AHNAK2: variants seen among roughly 807,000 people sequenced by gnomAD.
AHNAK2 encodes protein AHNAK2.
AHNAK2 carries 18 observed loss-of-function variants against 30.7 expected under a neutral mutation model. That is an observed-to-expected ratio of 0.59 (90% CI 0.41 to 0.87). The LOEUF is 0.87. AHNAK2 is among the 40% of genes least tolerant of loss of function. The probability of loss-of-function intolerance (pLI) is 0.00; values close to 1 mark genes in which losing one functional copy is unlikely to be tolerated. For missense variants in AHNAK2, 8,604 were observed against 7,373.0 expected (o/e 1.17, Z -6.11); for synonymous variants, 3,590 against 3,073.8 (o/e 1.17, Z -5.56).
intron 1 of AHNAK2, among the ~76,000 whole-genome samples, chr14:104,962,152 C>G (rs1899165582): frequency 6.6e-6 from 1 of 152,134 alleles, no homozygotes; most frequent in Admixed American, 6.5e-5. Context: ...TTGAAGTACC[C>G]ATCAACCAAC....
At chr14:104,970,613 C>T in intron 1 of AHNAK2, 1 of 761,216 alleles carries the variant, frequency 1.3e-6, no homozygotes, top group Non-Finnish European at 1.6e-6. Context: ...CCAGGACCCC[C>T]ACATCCCACC....
chr14:104,961,712 GC>G (rs1305267869), intron 1 of AHNAK2, among the ~76,000 whole-genome samples: 1 of 151,858 alleles, frequency 6.6e-6, no homozygotes, highest in African/African-American at 2.4e-5. Context: ...AGTGGCTTGT[GC>G]CGTAATCCCA....
At chr14:104,970,972 G>A (rs1161519018) in intron 1 of AHNAK2, among the ~76,000 whole-genome samples, 3 of 152,084 alleles carry the variant, frequency 2.0e-5, no homozygotes, top group Non-Finnish European at 2.9e-5. Context: ...CTGGGCCAGT[G>A]ACCTTGGGGC....
In AHNAK2 at chr14:104,944,781, G is replaced by A. The variant is rs1283377943; in HGVS notation, c.10670C>T (p.Pro3557Leu). 3 of 1,612,760 alleles carry A rather than the reference G, an allele frequency of 1.9e-6. No individual in the cohort carries two copies. The highest frequency in any genetic ancestry group is 2.5e-6 in the Non-Finnish European group (3 of 1,179,516). Residue 3557 changes from proline to leucine, a missense_variant, in exon 7 of 7, where the codon CCC becomes CTC. Coordinates refer to ENST00000333244, the MANE Select transcript of AHNAK2 (RefSeq NM_138420.4). ...PEGAGLKGHL[P>L]KVEMPSLKTP... ...CTTTAAACTGGGCATCTCCACTTTG[G>A]GCAGGTGCCCTTTGAGGCCGGCTCC... is the stretch of plus-strand genomic sequence containing the variant.
intron 1 of AHNAK2, among the ~76,000 whole-genome samples, chr14:104,963,604 G>C (rs899590982): frequency 6.6e-6 from 1 of 152,174 alleles, no homozygotes; most frequent in African/African-American, 2.4e-5. Flanking sequence ...GCCGAGGCGG[G>C]CGGATCACGA....
In AHNAK2 at chr14:104,943,176, A is replaced by G; in HGVS notation, c.12275T>C (p.Val4092Ala). 1 of 1,612,930 alleles carries G rather than the reference A, an allele frequency of 6.2e-7. No homozygotes were observed. Among genetic ancestry groups the G allele is most frequent in the Non-Finnish European group, 8.5e-7 (1 of 1,179,526 alleles). Residue 4092 changes from valine (V) to alanine (A), a missense_variant, in exon 7 of 7, where the codon GTG becomes GCG. Val to Ala is a moderately conservative substitution (Grantham distance 64). Coordinates refer to ENST00000333244, the MANE Select transcript of AHNAK2 (RefSeq NM_138420.4). ...GPKAEVTAPDVKMSLSSMEVD... is the reference protein window; with the variant it reads ...GPKAEVTAPDAKMSLSSMEVD... ...CTCCATGCTGGACAGAGACATCTTC[A>G]CATCAGGGGCTGTCACTTCCGCCTT...
chr14:104,972,659 T>A (rs1360731211), intron 1 of AHNAK2, among the ~76,000 whole-genome samples: 1 of 152,162 alleles, frequency 6.6e-6, no homozygotes, highest in Non-Finnish European at 1.5e-5. Context: ...CTGGAACACA[T>A]GACGGAGATC....
chr14:104,948,786 A>T lies in AHNAK2; in HGVS notation c.6665T>A (p.Leu2222Gln), dbSNP rs757022688. 1.2e-6 allele frequency: 2 copies of T among 1,610,066 alleles called. No homozygotes were observed. The highest frequency in any genetic ancestry group is 1.6e-4 in the Middle Eastern group (1 of 6,074). The change falls in exon 7 of 7, where the codon CTG becomes CAG. Residue 2222 changes from leucine to glutamine, a missense_variant. By Grantham distance (113) the Leu-to-Gln change is moderately radical (BLOSUM62 -2). Transcript: ENST00000333244. ...GACTTCCTCGGGCACAGGGCCCTCCAGGAGTTTCACGTCCACCTGGCCAGC... is the reference window on the plus strand; with the variant it reads ...GACTTCCTCGGGCACAGGGCCCTCCTGGAGTTTCACGTCCACCTGGCCAGC... ...VQAGQVDVKL[L>Q]EGPVPEEVGL...
rs751843379 is a variant in AHNAK2 at position 104,947,209 on chromosome 14, C to A, written c.8242G>T (p.Gly2748Cys). 2.5e-6 allele frequency: 4 copies of A among 1,612,186 alleles called. No homozygotes were observed. The highest frequency in any genetic ancestry group is 3.4e-6 in the Non-Finnish European group (4 of 1,179,548). The change falls in exon 7 of 7, where the codon GGC (glycine) becomes TGC (cysteine). Residue 2748 changes from glycine to cysteine, a missense_variant. Gly to Cys is a radical substitution (Grantham distance 159, BLOSUM62 -3). Coordinates refer to ENST00000333244, the MANE Select transcript of AHNAK2 (RefSeq NM_138420.4). The stretch of plus-strand genomic sequence containing the variant: ...GGGCCCTTAACATCTATCTGGGGGC[C>A]CTTGAGGTCCACTTCAGGCATCTTG... The part of the protein sequence containing the change: ...SFKMPEVDLK[G>C]PQIDVKGPNV...
intron 1 of AHNAK2, among the ~76,000 whole-genome samples, chr14:104,959,493 G>A (rs1300089240): frequency 6.6e-6 from 1 of 152,120 alleles, no homozygotes; most frequent in Non-Finnish European, 1.5e-5. Context: ...AAAAATTAGC[G>A]GGGCATGGTG....
In AHNAK2 at chr14:104,950,583, C is replaced by A. The variant is rs544174837; in HGVS notation, c.4868G>T (p.Ser1623Ile). 1.9e-6 allele frequency: 3 copies of A among 1,587,320 alleles called. 1 individual carries two copies. Among genetic ancestry groups the A allele is most frequent in the Admixed American group, 3.5e-5 (2 of 57,500 alleles). ...TAPDVKMSLS[S>I]MEVDVQAPRA... Reference sequence around the variant, plus strand: ...CGGGGCCTGGACGTCCACCTCCATGCTGGACAGAGACATCTTCACATCGGG... The same window carrying A: ...CGGGGCCTGGACGTCCACCTCCATGATGGACAGAGACATCTTCACATCGGG... The change falls in exon 7 of 7, where the codon AGC becomes ATC. Residue 1623 changes from serine to isoleucine, a missense_variant. Coordinates refer to ENST00000333244, the MANE Select transcript of AHNAK2 (RefSeq NM_138420.4).
At position 104,951,769 on chromosome 14, in the gene AHNAK2, C is replaced by T. The variant is rs374231027; in HGVS notation, c.3682G>A (p.Asp1228Asn). The T allele has an allele frequency of 9.2e-6, 12 of 1,303,088 alleles. 2 individuals carry two copies. The African/African-American group carries it at 1.4e-4, about 15-fold the overall frequency. 80.7% of individuals were successfully genotyped at this position (1,303,088 alleles called of 1,614,324 possible). Residue 1228 changes from aspartate to asparagine, a missense_variant, in exon 7 of 7, where the codon GAC (aspartate) becomes AAC (asparagine). Physicochemically the swap from Asp to Asn is conservative, Grantham distance 23. Coordinates refer to ENST00000333244, the MANE Select transcript of AHNAK2 (RefSeq NM_138420.4). ...ACGTGGCCCTCCAGGAGCTTCACGT[C>T]CACCTGGCCAGCGTGGACCTCCAGG... is the stretch of plus-strand genomic sequence containing the variant. ...ADLEVHAGQV[D>N]VKLLEGHVPE...
In AHNAK2 at chr14:104,951,987, T is replaced by A; in HGVS notation, c.3464A>T (p.Asp1155Val). The A allele has an allele frequency of 6.2e-7, 1 of 1,609,196 alleles. No homozygotes were observed. The highest frequency in any genetic ancestry group is 8.5e-7 in the Non-Finnish European group (1 of 1,177,572). Residue 1155 changes from aspartate to valine, a missense_variant, in exon 7 of 7, where the codon GAT becomes GTT. Physicochemically the swap from Asp to Val is radical, Grantham distance 152 (BLOSUM62 -3). Coordinates refer to ENST00000333244, the MANE Select transcript of AHNAK2 (RefSeq NM_138420.4). ...LEGELSLADK[D>V]VTAKDSRFKM... ...GAACCTGCTGTCTTTGGCAGTCACATCCTTGTCGGCCAGGGACAGTTCCCC... is the reference window on the plus strand; with the variant it reads ...GAACCTGCTGTCTTTGGCAGTCACAACCTTGTCGGCCAGGGACAGTTCCCC...
At position 104,952,899 on chromosome 14, in the gene AHNAK2, G is replaced by T. The variant is rs781209882; in HGVS notation, c.2552C>A (p.Ser851Tyr). 1.2e-6 allele frequency: 2 copies of T among 1,611,946 alleles called. No homozygotes were observed. Among genetic ancestry groups the T allele is most frequent in the Middle Eastern group, 1.7e-4 (1 of 6,048 alleles). ...PSFGVSAPGK[S>Y]MEDSVDVSAP... ...AGACACATCCACCGAGTCCTCCATG[G>T]ACTTGCCTGGGGCCGACACCCCGAA... Residue 851 changes from serine (S) to tyrosine (Y), a missense_variant, in exon 7 of 7, where the codon TCC (serine) becomes TAC (tyrosine). By Grantham distance (144) the Ser-to-Tyr change is moderately radical (BLOSUM62 -2). Transcript: ENST00000333244.
intron 1 of AHNAK2, among the ~76,000 whole-genome samples, chr14:104,974,114 G>A (rs1268018397): frequency 6.6e-6 from 1 of 152,250 alleles, no homozygotes; most frequent in Non-Finnish European, 1.5e-5. Context: ...AAAAATAAAG[G>A]GAAATCTGGA....
At position 104,946,950 on chromosome 14, in the gene AHNAK2, G is replaced by A. The variant is rs200469922; in HGVS notation, c.8501C>T (p.Ala2834Val). Residue 2834 changes from alanine to valine, a missense_variant, in exon 7 of 7, where the codon GCC (alanine) becomes GTC (valine). Coordinates refer to ENST00000333244, the MANE Select transcript of AHNAK2 (RefSeq NM_138420.4). The part of the protein sequence containing the change: ...GVSAPGKSIE[A>V]SVDVSELKVE... ...CTTCAGCTCAGACACATCCACCGAG[G>A]CCTCGATGGACTTGCCTGGGGCCGA... The A allele has an allele frequency of 3.7e-4, 597 of 1,611,016 alleles. 7 individuals carry two copies. The Middle Eastern group carries it at 6.6e-3, about 18-fold the overall frequency.
Position 104,938,940 on chromosome 14 carries a change from G to A in AHNAK2, c.16511C>T (p.Ser5504Leu), listed in dbSNP as rs1226205755. 2.5e-6 allele frequency: 4 copies of A among 1,613,458 alleles called. No homozygotes were observed. Among genetic ancestry groups the A allele is most frequent in the Non-Finnish European group, 3.4e-6 (4 of 1,179,816 alleles). ...TTGAATCTCTGACGTGGGGATCTCTGATTCCCGCACAATCTGAGTGGAAAA... is the reference window on the plus strand; with the variant it reads ...TTGAATCTCTGACGTGGGGATCTCTAATTCCCGCACAATCTGAGTGGAAAA... ...RTFSTQIVRE[S>L]EIPTSEIQTP... is the part of the protein sequence containing the mutation. Residue 5504 changes from serine to leucine, a missense_variant, in exon 7 of 7, where the codon TCA (serine) becomes TTA (leucine). Transcript: ENST00000333244.
intron 1 of AHNAK2, among the ~76,000 whole-genome samples, chr14:104,976,082 C>G (rs563893572): frequency 6.6e-6 from 1 of 150,954 alleles, no homozygotes; most frequent in South Asian, 2.1e-4. Context: ...CAGGCCACAC[C>G]GGGGCAGCAG....
At chr14:104,971,968 A>T (rs1182981307) in intron 1 of AHNAK2, among the ~76,000 whole-genome samples, 1 of 152,240 alleles carries the variant, frequency 6.6e-6, no homozygotes, top group African/African-American at 2.4e-5. Context: ...CCCCAACGGC[A>T]TGGGAAGAGG....
Sources: gnomAD v4.1 joint callset for allele counts (sites outside exome capture counted in the v4.1 genomes callset) on GRCh38, gnomAD v4.1.1 for gene constraint, MANE v1.5 for transcripts, NCBI Gene and HGNC (gene_info 2026-07-23, HGNC 2026-07-21) for gene names.